Variants in CABLES1 observed in about 807,000 individuals in gnomAD.
CABLES1 encodes the protein Cdk5 and Abl enzyme substrate 1.
CABLES1 carries 36 observed loss-of-function variants against 57.8 expected under a neutral mutation model. The ratio of observed to expected loss-of-function variants is 0.62; its 90% CI spans 0.48 to 0.82. CABLES1 has a LOEUF of 0.82. Ranked by LOEUF, CABLES1 falls within the 40% of genes least tolerant of loss-of-function variation. CABLES1 has a pLI of 0.00. For missense variants in CABLES1, 767 were observed against 836.6 expected (o/e 0.92, Z 1.03); for synonymous variants, 374 against 363.0 (o/e 1.03, Z -0.35).
intron 7 of CABLES1, among the ~76,000 whole-genome samples, chr18:23,248,062 C>A (rs1267116127): frequency 1.3e-5 from 2 of 152,266 alleles, no homozygotes; most frequent in African/African-American, 4.8e-5. Flanking sequence ...GACAGAGCCT[C>A]TCCCGCAAGA....
intron 1 of CABLES1, among the ~76,000 whole-genome samples, chr18:23,155,271 G>A (rs2046958271): frequency 6.6e-6 from 1 of 152,170 alleles, no homozygotes; most frequent in Non-Finnish European, 1.5e-5. Flanking sequence ...TTACATAGGA[G>A]TTCAGCTTTG....
At position 23,136,092 on chromosome 18, in the gene CABLES1, G is replaced by A; in HGVS notation, c.330G>A (p.Leu110=). 8.5e-7 allele frequency: 1 copy of A among 1,176,238 alleles called. No individual in the cohort carries two copies. The allele number at this position is 1,176,238 out of a possible 1,614,324, so 72.9% of individuals were successfully genotyped here. The part of the protein sequence containing the change: ...GACGARTRFS[L]LAAAERGGCI... Reference sequence around the variant, plus strand: ...GCGGCGCGAGGACTCGGTTCAGCTTGCTCGCCGCTGCCGAGCGGGGCGGCT... The same window carrying A: ...GCGGCGCGAGGACTCGGTTCAGCTTACTCGCCGCTGCCGAGCGGGGCGGCT... The change falls in exon 1 of 10, where the codon TTG becomes TTA. Residue 110 remains leucine (L), a synonymous_variant. Transcript: ENST00000256925.
intron 4 of CABLES1, among the ~76,000 whole-genome samples, chr18:23,228,595 C>T (rs961319989): frequency 7.9e-5 from 12 of 152,076 alleles, no homozygotes; most frequent in African/African-American, 1.9e-4. Flanking sequence ...CATTGCTTAA[C>T]GGTATAACTG....
rs551538253 is a variant in CABLES1 at position 23,139,843 on chromosome 18, C to T, written c.845+3236C>T. ...CTACCATGTCACTATGCCTTGCACACAATAGGCCCATAGATAATTTTTGAG... is the reference window on the plus strand; with the variant it reads ...CTACCATGTCACTATGCCTTGCACATAATAGGCCCATAGATAATTTTTGAG... On this transcript the variant is annotated intron_variant, in intron 1 of 9. Coordinates refer to ENST00000256925, the MANE Select transcript of CABLES1 (RefSeq NM_001100619.3). 7.2e-5 allele frequency among the ~76,000 whole-genome samples: 11 copies of T among 152,326 alleles called. No individual in the cohort carries two copies. In the East Asian group the frequency reaches 2.1e-3, roughly 29 times the overall value.
intron 4 of CABLES1, among the ~76,000 whole-genome samples, chr18:23,219,951 A>G (rs988624107): frequency 2.6e-5 from 4 of 152,068 alleles, no homozygotes; most frequent in African/African-American, 9.7e-5. Context: ...GCTTCTTGCC[A>G]CTGTATTGGG....
chr18:23,223,240 A>G (rs2047502560), intron 4 of CABLES1, among the ~76,000 whole-genome samples: 1 of 152,270 alleles, frequency 6.6e-6, no homozygotes, highest in Admixed American at 6.5e-5. Flanking sequence ...ACACAGCCCC[A>G]TATTGAGCAG....
At chr18:23,137,812 TTGAG>T (rs2046833282) in intron 1 of CABLES1, among the ~76,000 whole-genome samples, 2 of 152,288 alleles carry the variant, frequency 1.3e-5, no homozygotes, top group African/African-American at 4.8e-5. Flanking sequence ...GCCTCGCTGT[TTGAG>T]TGCGCATGGC....
chr18:23,223,407 G>A (rs989549966), intron 4 of CABLES1, among the ~76,000 whole-genome samples: 4 of 151,780 alleles, frequency 2.6e-5, no homozygotes, highest in Admixed American at 2.6e-4. Flanking sequence ...ATGAAACCCC[G>A]TCTCTACTAA....
chr18:23,177,658 G>A (rs929923272), intron 1 of CABLES1, among the ~76,000 whole-genome samples: 3 of 152,008 alleles, frequency 2.0e-5, no homozygotes, highest in Non-Finnish European at 4.4e-5. Flanking sequence ...GCCTCACCGA[G>A]TCCCAGTTCT....
At chr18:23,231,773 T>A (rs1163651057) in intron 4 of CABLES1, among the ~76,000 whole-genome samples, 3 of 136,074 alleles carry the variant, frequency 2.2e-5, no homozygotes, top group African/African-American at 2.7e-5. Context: ...ATGACTATAT[T>A]TTTTTTTTGT....
chr18:23,159,254 T>C (rs981733154), intron 1 of CABLES1, among the ~76,000 whole-genome samples: 15 of 152,232 alleles, frequency 9.9e-5, no homozygotes, highest in Non-Finnish European at 2.1e-4. Context: ...CGTGAGCCAC[T>C]GCACCCGGCC....
intron 1 of CABLES1, among the ~76,000 whole-genome samples, chr18:23,144,899 C>T (rs2046881632): frequency 6.6e-6 from 1 of 151,846 alleles, no homozygotes; most frequent in South Asian, 2.1e-4. Context: ...TCAGCATGTG[C>T]ACCTAAGGCT....
At chr18:23,252,018 G>A (rs781662054) in intron 7 of CABLES1, among the ~76,000 whole-genome samples, 10 of 151,846 alleles carry the variant, frequency 6.6e-5, no homozygotes, top group Non-Finnish European at 1.2e-4. Context: ...CCCGGGAGGC[G>A]GAGGTTGCAG....
intron 4 of CABLES1, among the ~76,000 whole-genome samples, chr18:23,215,286 C>T (rs899172160): frequency 6.6e-6 from 1 of 152,162 alleles, no homozygotes; most frequent in African/African-American, 2.4e-5. Context: ...GACCTACCTG[C>T]TGTGGCCCCG....
At chr18:23,159,619 C>T (rs753501124) in intron 1 of CABLES1, among the ~76,000 whole-genome samples, 8 of 152,132 alleles carry the variant, frequency 5.3e-5, no homozygotes, top group Non-Finnish European at 7.4e-5. Context: ...CCCGAGGCGA[C>T]GGGACGAGAT....
At chr18:23,160,442 A>C (rs1464715287) in intron 1 of CABLES1, among the ~76,000 whole-genome samples, 1 of 152,236 alleles carries the variant, frequency 6.6e-6, no homozygotes, top group Non-Finnish European at 1.5e-5. Context: ...CTGCAGGTGC[A>C]GTGCCGGGCA....
chr18:23,154,315 G>T (rs1334161356), intron 1 of CABLES1, among the ~76,000 whole-genome samples: 3 of 152,146 alleles, frequency 2.0e-5, no homozygotes, highest in Non-Finnish European at 4.4e-5. Context: ...TCAAATTAAG[G>T]CTGAGGTGCA....
At position 23,179,159 on chromosome 18, in the gene CABLES1, C is replaced by T. The variant is rs567869226; in HGVS notation, c.846-9679C>T. Among the ~76,000 whole-genome samples the T allele has an allele frequency of 3.0e-3, 451 of 151,768 alleles. 2 individuals are homozygous for T. The highest frequency in any genetic ancestry group is 0.01 in the African/African-American group (420 of 41,400). On this transcript the variant is annotated intron_variant, in intron 1 of 9. Transcript: ENST00000256925. ...AAATTAGTCGGGTATTGTGGCGGGT[C>T]CCTGTAATCCCAGCTACTCAGGGGG...
chr18:23,203,912 C>T (rs1345563507), intron 3 of CABLES1, among the ~76,000 whole-genome samples: 1 of 152,086 alleles, frequency 6.6e-6, no homozygotes, highest in African/African-American at 2.4e-5. Flanking sequence ...ACCTGCCATC[C>T]CCTCAGTGGC....
Sources: gnomAD v4.1 joint callset for allele counts (sites outside exome capture counted in the v4.1 genomes callset) on GRCh38, gnomAD v4.1.1 for gene constraint, MANE v1.5 for transcripts, NCBI Gene and HGNC (gene_info 2026-07-23, HGNC 2026-07-21) for gene names.